The following SPON1 variants were observed in gnomAD, a reference collection of about 807,000 sequenced individuals.
SPON1 encodes spondin-1.
A neutral mutation model predicts 111.7 loss-of-function variants in SPON1; 52 were observed. The observed-to-expected ratio is 0.47, with a 90% CI of 0.37 to 0.59. The LOEUF is 0.59. Among genes scored for constraint, SPON1 ranks in the 20% least tolerant of loss-of-function variants. The pLI is 0.00. For synonymous variants in SPON1, 410 were observed against 395.8 expected, an observed-to-expected ratio of 1.04 and a Z score of -0.43; for missense variants, 957 against 1,068.5, an observed-to-expected ratio of 0.90 and a Z score of 1.46.
rs1249279385 is a variant in SPON1 at position 14,228,919 on chromosome 11, A to G, written c.826-14413A>G. 2.6e-5 allele frequency among the ~76,000 whole-genome samples: 4 copies of G among 152,196 alleles called. No individual in the cohort carries two copies. Among genetic ancestry groups the G allele is most frequent in the Non-Finnish European group, 4.4e-5 (3 of 68,034 alleles). ...TATTCTCACAAAAATATAAATATAA[A>G]TGTTTAAATTCCCACAGAGAACTAA... is the stretch of plus-strand genomic sequence containing the variant. On this transcript the variant is annotated intron_variant, in intron 6 of 15. Coordinates refer to ENST00000576479, the MANE Select transcript of SPON1 (RefSeq NM_006108.4). This position sits in a 1 kb window ranked among gnomAD's most constrained non-coding sequence, Gnocchi z 4.2.
chr11:14,135,702 T>G lies in SPON1; in HGVS notation c.825+134T>G. The G allele has an allele frequency of 1.2e-6, 1 of 865,250 alleles. No individual in the cohort carries two copies. The allele number at this position is 865,250 out of a possible 1,614,324, so 53.6% of individuals were successfully genotyped here. A position where few individuals can be genotyped will look rare whatever the true frequency, so the allele number is the denominator to read the frequency against. ...AATCTATTTGCTGAGTTTGGGGGTTTTATGTTAAGTAGAGGACAGACAGAG... is the reference window on the plus strand; with the variant it reads ...AATCTATTTGCTGAGTTTGGGGGTTGTATGTTAAGTAGAGGACAGACAGAG... On this transcript the variant is annotated intron_variant, in intron 6 of 15. Coordinates refer to ENST00000576479, the MANE Select transcript of SPON1 (RefSeq NM_006108.4). The surrounding 1 kb of genome is among the most constrained non-coding windows in gnomAD (Gnocchi z 4.4).
At chr11:14,262,485 G>C (rs1296245775) in intron 14 of SPON1, 7 of 592,412 alleles carry the variant, frequency 1.2e-5, no homozygotes, top group African/African-American at 1.9e-5. Context: ...CATAGAGGGA[G>C]CATAGAATGG....
In SPON1 at chr11:13,962,745, G is replaced by A. The variant is rs1847981986; in HGVS notation, c.-160G>A. On this transcript the variant is annotated 5_prime_UTR_variant, in exon 1 of 16. Coordinates refer to ENST00000576479, the MANE Select transcript of SPON1 (RefSeq NM_006108.4). ...CTCAGCTCAGCGCAGCTCCGCGGCCGCCAAGCCGAGGCGGGCACGGTCTCC... is the reference window on the plus strand; with the variant it reads ...CTCAGCTCAGCGCAGCTCCGCGGCCACCAAGCCGAGGCGGGCACGGTCTCC... The A allele has an allele frequency of 7.7e-6, 5 of 650,048 alleles. No individual in the cohort carries two copies. The highest frequency in any genetic ancestry group is 2.3e-5 in the South Asian group (1 of 42,780). The allele number at this position is 650,048 out of a possible 1,614,324, so 40.3% of individuals were successfully genotyped here. A position where few individuals can be genotyped will look rare whatever the true frequency, so the allele number is the denominator to read the frequency against.
chr11:14,018,797 A>C (rs1554914540), intron 2 of SPON1, among the ~76,000 whole-genome samples: 2 of 152,194 alleles, frequency 1.3e-5, no homozygotes, highest in Non-Finnish European at 2.9e-5. Flanking sequence ...CCAACGGTAC[A>C]ACAAGAGCCA....
At position 13,976,605 on chromosome 11, in the gene SPON1, C is replaced by T. The variant is rs139068858; in HGVS notation, c.239-6242C>T. Among the ~76,000 whole-genome samples the T allele has an allele frequency of 5.1e-3, 775 of 152,302 alleles. 3 individuals are homozygous for T. The highest frequency in any genetic ancestry group is 0.018 in the African/African-American group (729 of 41,560). ...TACAGGAATGCAGTATTATGGGAAG[C>T]TGAGTTTATGATTAGCCCTTTAAGC... On this transcript the variant is annotated intron_variant, in intron 1 of 15. Transcript: ENST00000576479.
chr11:14,160,560 T>A (rs1236470924), intron 6 of SPON1, among the ~76,000 whole-genome samples: 1 of 24,566 alleles, frequency 4.1e-5, no homozygotes, highest in South Asian at 2.3e-3. Flanking sequence ...TATATATATT[T>A]ATATATATAT....
intron 6 of SPON1, among the ~76,000 whole-genome samples, chr11:14,238,505 C>A (rs1228515856): frequency 2.0e-5 from 3 of 152,092 alleles, no homozygotes; most frequent in Non-Finnish European, 2.9e-5. Flanking sequence ...GGAGGGTCAG[C>A]GTGGGGTAAG....
chr11:13,978,179 G>A (rs973725119), intron 1 of SPON1, among the ~76,000 whole-genome samples: 1 of 152,136 alleles, frequency 6.6e-6, no homozygotes, highest in South Asian at 2.1e-4. Context: ...ATATCTGGGA[G>A]TATAAGCCCT....
intron 5 of SPON1, among the ~76,000 whole-genome samples, chr11:14,091,132 A>T (rs1056455128): frequency 2.0e-5 from 3 of 152,084 alleles, no homozygotes; most frequent in Non-Finnish European, 4.4e-5. Context: ...GAGCAGCTAG[A>T]TACAGAGTGT....
At chr11:14,163,548 C>G (rs1554931602) in intron 6 of SPON1, among the ~76,000 whole-genome samples, 1 of 152,038 alleles carries the variant, frequency 6.6e-6, no homozygotes, top group African/African-American at 2.4e-5. Flanking sequence ...GATTCTCCCC[C>G]CATACCTGGC....
At chr11:14,079,236 GA>G in intron 4 of SPON1, among the ~76,000 whole-genome samples, 1 of 152,302 alleles carries the variant, frequency 6.6e-6, no homozygotes, top group Non-Finnish European at 1.5e-5. Context: ...GGCCGAGAGG[GA>G]ATCTTAAGTT....
At chr11:14,239,185 C>T (rs1848897476) in intron 6 of SPON1, among the ~76,000 whole-genome samples, 1 of 152,136 alleles carries the variant, frequency 6.6e-6, no homozygotes, top group African/African-American at 2.4e-5. Context: ...TGGGTTTGTA[C>T]CTGCAACTGT....
chr11:14,239,432 A>T (rs1397840472), intron 6 of SPON1, among the ~76,000 whole-genome samples: 1 of 152,182 alleles, frequency 6.6e-6, no homozygotes, highest in Non-Finnish European at 1.5e-5. Flanking sequence ...GACTTGCCAA[A>T]AAACAGAGTT....
chr11:14,132,983 G>C (rs1456266499), intron 5 of SPON1, among the ~76,000 whole-genome samples: 2 of 152,184 alleles, frequency 1.3e-5, no homozygotes, highest in African/African-American at 4.8e-5. Flanking sequence ...GAGACTCAGG[G>C]AAATAAAGTA....
intron 6 of SPON1, among the ~76,000 whole-genome samples, chr11:14,192,585 T>C (rs1554934683): frequency 6.6e-6 from 1 of 152,096 alleles, no homozygotes; most frequent in African/African-American, 2.4e-5. Context: ...AGGGTGACAG[T>C]GAGCTGTTTG....
chr11:14,246,983 G>A (rs527294406), intron 7 of SPON1, among the ~76,000 whole-genome samples: 4 of 152,320 alleles, frequency 2.6e-5, no homozygotes, highest in Admixed American at 2.0e-4. Flanking sequence ...GGCCCTGTAT[G>A]AGGAGGGAGT....
chr11:14,206,688 A>G (rs1564931064), intron 6 of SPON1, among the ~76,000 whole-genome samples: 1 of 152,224 alleles, frequency 6.6e-6, no homozygotes, highest in Non-Finnish European at 1.5e-5. Context: ...GAGGTGAAGA[A>G]ACTCTACAAG....
At chr11:14,207,193 T>C (rs1417738003) in intron 6 of SPON1, among the ~76,000 whole-genome samples, 6 of 152,154 alleles carry the variant, frequency 3.9e-5, no homozygotes, top group African/African-American at 4.8e-5. Flanking sequence ...ATGCAGAAGA[T>C]TGAAACTGGA....
chr11:14,122,520 T>C (rs782137203), intron 5 of SPON1, among the ~76,000 whole-genome samples: 11 of 152,244 alleles, frequency 7.2e-5, no homozygotes, highest in Non-Finnish European at 1.2e-4. Flanking sequence ...TCTCTCCTTC[T>C]GGAACTCCAA....
Sources: gnomAD v4.1 joint callset for allele counts (sites outside exome capture counted in the v4.1 genomes callset) on GRCh38, gnomAD v4.1.1 for gene constraint, Gnocchi (gnomAD v3.1) non-coding constraint, MANE v1.5 for transcripts, NCBI Gene and HGNC (gene_info 2026-07-23, HGNC 2026-07-21) for gene names.